UFSP2: variants seen among roughly 807,000 people sequenced by gnomAD.
The protein encoded by UFSP2 is ufm1-specific protease 2.
UFSP2 carries 43 observed loss-of-function variants against 60.2 expected under a neutral mutation model. The ratio of observed to expected loss-of-function variants is 0.71; its 90% confidence interval spans 0.56 to 0.92. UFSP2 has a LOEUF of 0.92. UFSP2 is among the 40% of genes least tolerant of loss of function. The pLI is 0.00. For missense variants in UFSP2, 520 were observed against 575.0 expected (o/e 0.90, Z 0.98); for synonymous variants, 183 against 195.1 (o/e 0.94, Z 0.52).
At chr4:185,424,269 G>A (rs954167599) in intron 1 of UFSP2, among the ~76,000 whole-genome samples, 8 of 152,080 alleles carry the variant, frequency 5.3e-5, no homozygotes, top group African/African-American at 1.9e-4. Context: ...TCACACCACT[G>A]CACTCCAGCC....
At chr4:185,422,680 A>T in intron 1 of UFSP2, 117 bp from the exon 2 acceptor site, 1 of 724,088 alleles carries the variant, frequency 1.4e-6, no homozygotes, top group Non-Finnish European at 2.2e-6. Flanking sequence ...TCTTCAAATT[A>T]TTTCATGAGT....
chr4:185,425,723 G>T, intron 1 of UFSP2, 143 bp downstream of exon 1: 3 of 1,281,212 alleles, frequency 2.3e-6, no homozygotes, highest in Non-Finnish European at 3.3e-6. Context: ...GCGAACTGGA[G>T]AGCCGCCCTG....
intron 6 of UFSP2, among the ~76,000 whole-genome samples, chr4:185,414,489 C>G (rs1041655262): frequency 6.6e-6 from 1 of 152,158 alleles, no homozygotes; most frequent in Non-Finnish European, 1.5e-5. Context: ...AAAAGATCAG[C>G]TCCTGTAGCT....
At chr4:185,415,603 TAAAC>T in intron 5 of UFSP2, 103 bp downstream of exon 5, 2 of 1,069,478 alleles carry the variant, frequency 1.9e-6, no homozygotes, top group Admixed American at 2.6e-5. Flanking sequence ...AGGTTAATAA[TAAAC>T]AAGGAGAAAA....
chr4:185,416,333 C>T (rs1050233355), intron 4 of UFSP2, among the ~76,000 whole-genome samples: 5 of 152,184 alleles, frequency 3.3e-5, no homozygotes, highest in African/African-American at 1.2e-4. Context: ...ATCAAATTAA[C>T]ATAAAATAAC....
intron 2 of UFSP2, among the ~76,000 whole-genome samples, chr4:185,420,526 A>G (rs1240115402): frequency 6.6e-6 from 1 of 152,186 alleles, no homozygotes; most frequent in Non-Finnish European, 1.5e-5. Flanking sequence ...AACAACGACC[A>G]TACTGGTATC....
intron 2 of UFSP2, 49 bp from the exon 3 acceptor site, chr4:185,418,819 CATGA>C (rs764862996): frequency 7.0e-7 from 1 of 1,427,100 alleles, no homozygotes; most frequent in Non-Finnish European, 9.4e-7. Flanking sequence ...AATTTTTCAA[CATGA>C]ATGGTTCCAA....
At chr4:185,407,546 TA>T (rs1385925801) in intron 9 of UFSP2, among the ~76,000 whole-genome samples, 2 of 152,022 alleles carry the variant, frequency 1.3e-5, no homozygotes, top group African/African-American at 4.8e-5. Context: ...GAGCAGGAGG[TA>T]AACAAAAAGG....
chr4:185,424,638 TATTA>T (rs1433581769), intron 1 of UFSP2, among the ~76,000 whole-genome samples: 2 of 152,228 alleles, frequency 1.3e-5, no homozygotes, highest in African/African-American at 4.8e-5. Context: ...CTTAAATAGC[TATTA>T]ATAAGAAATC....
chr4:185,420,122 C>G (rs1441042922), intron 2 of UFSP2, among the ~76,000 whole-genome samples: 5 of 152,102 alleles, frequency 3.3e-5, no homozygotes, highest in Non-Finnish European at 7.4e-5. Flanking sequence ...TTCTTTTTCT[C>G]TTTGGACTAT....
intron 4 of UFSP2, among the ~76,000 whole-genome samples, chr4:185,417,529 C>T (rs1026639769): frequency 6.6e-6 from 1 of 152,180 alleles, no homozygotes; most frequent in African/African-American, 2.4e-5. Context: ...TCCCTCTTCT[C>T]TATTTCCATA....
chr4:185,420,165 G>A lies in UFSP2; in HGVS notation c.83-1395C>T, dbSNP rs540839856. On this transcript the variant is annotated intron_variant, in intron 2 of 11. Coordinates refer to ENST00000264689, the MANE Select transcript of UFSP2 (RefSeq NM_018359.5). ...TAGGCCTATATAATCAAAGCTCTGT[G>A]TTCTAAAGTCACGGTTGGTTTTTTT... 1.2e-4 allele frequency among the ~76,000 whole-genome samples: 12 copies of A among 100,596 alleles called. No individual in the cohort carries two copies. The South Asian group carries it at 4.6e-3, about 39-fold the overall frequency. The allele number at this position is 100,596 out of a possible 152,430, so 66.0% of individuals were successfully genotyped here. A position where few individuals can be genotyped will look rare whatever the true frequency, so the allele number is the denominator to read the frequency against.
At chr4:185,406,220 C>T (rs567736862) in intron 9 of UFSP2, 1 of 273,706 alleles carries the variant, frequency 3.7e-6, no homozygotes, top group South Asian at 4.2e-5. Flanking sequence ...GTCCTGGGTT[C>T]TTGCCTTCTT....
chr4:185,400,635 C>A (rs183840603), intron 11 of UFSP2, 157 bp from the exon 12 acceptor site: 517 of 490,124 alleles, frequency 1.1e-3, no homozygotes, highest in African/African-American at 4.4e-3. Context: ...AGAAAAGTAA[C>A]GTATCTTACC....
chr4:185,423,048 G>A (rs1185892413), intron 1 of UFSP2, among the ~76,000 whole-genome samples: 1 of 152,118 alleles, frequency 6.6e-6, no homozygotes, highest in Non-Finnish European at 1.5e-5. Flanking sequence ...TAGTAAGGAC[G>A]GGATCTCAGA....
At position 185,399,746 on chromosome 4, in the gene UFSP2, A is replaced by C; in HGVS notation, c.*646T>G. On this transcript the variant is annotated 3_prime_UTR_variant, in exon 12 of 12. Transcript: ENST00000264689. Reference sequence around the variant, plus strand: ...CAGAAACGGAGTCTCGGAAGTGTAGAAAATACCAGTGGGAAAAGGAAGTGC... The same window carrying C: ...CAGAAACGGAGTCTCGGAAGTGTAGCAAATACCAGTGGGAAAAGGAAGTGC... The C allele has an allele frequency of 6.2e-7, 1 of 1,614,144 alleles. No individual in the cohort carries two copies. The highest frequency in any genetic ancestry group is 8.5e-7 in the Non-Finnish European group (1 of 1,180,008).
intron 10 of UFSP2, among the ~76,000 whole-genome samples, chr4:185,404,834 C>T (rs1020050334): frequency 6.6e-6 from 1 of 152,118 alleles, no homozygotes; most frequent in Non-Finnish European, 1.5e-5. Context: ...GATCCGCCCG[C>T]CTCAGCCTCC....
intron 7 of UFSP2, among the ~76,000 whole-genome samples, chr4:185,409,108 G>C (rs762521420): frequency 6.6e-6 from 1 of 152,064 alleles, no homozygotes; most frequent in Non-Finnish European, 1.5e-5. Flanking sequence ...TATAAATGCT[G>C]CTGAATAAAT....
chr4:185,411,622 A>T (rs77319938), intron 7 of UFSP2, among the ~76,000 whole-genome samples: 4 of 152,170 alleles, frequency 2.6e-5, no homozygotes, highest in Admixed American at 2.6e-4. Flanking sequence ...AAAGTATTTA[A>T]GGGTAAATAA....
Sources: gnomAD v4.1 joint callset for allele counts (sites outside exome capture counted in the v4.1 genomes callset) on GRCh38, gnomAD v4.1.1 for gene constraint, MANE v1.5 for transcripts, NCBI Gene and HGNC (gene_info 2026-07-23, HGNC 2026-07-21) for gene names.